SMURF2: variants seen among roughly 807,000 people sequenced by gnomAD.
SMURF2 encodes E3 ubiquitin-protein ligase SMURF2.
A neutral mutation model predicts 109.6 loss-of-function variants in SMURF2; 48 were observed. The observed-to-expected ratio is 0.44, with a 90% CI of 0.35 to 0.56. SMURF2 has a LOEUF of 0.56. SMURF2 is among the 20% of genes least tolerant of loss of function. SMURF2 has a pLI of 0.01. For synonymous variants in SMURF2, 288 were observed against 317.1 expected (o/e 0.91, Z 0.97); for missense variants, 575 against 909.0 (o/e 0.63, Z 4.72).
intron 2 of SMURF2, among the ~76,000 whole-genome samples, chr17:64,605,748 T>G (rs1555688983): frequency 8.7e-6 from 1 of 115,588 alleles, no homozygotes; most frequent in Non-Finnish European, 1.7e-5. Flanking sequence ...AAAAAGAATA[T>G]ATATATATAT....
chr17:64,613,281 T>C (rs2144684716), intron 1 of SMURF2, among the ~76,000 whole-genome samples: 1 of 152,284 alleles, frequency 6.6e-6, no homozygotes, highest in South Asian at 2.1e-4. Context: ...CTCCTGATTA[T>C]GTCACCACAG....
rs182114888 is a variant in SMURF2 at position 64,630,122 on chromosome 17, G to C, written c.53-23482C>G. Among the ~76,000 whole-genome samples, 458 of 152,172 alleles carry C rather than the reference G, an allele frequency of 3.0e-3. 1 individual carries two copies. Among genetic ancestry groups the C allele is most frequent in the African/African-American group, 0.011 (439 of 41,512 alleles). On this transcript the variant is annotated intron_variant, in intron 1 of 18. Transcript: ENST00000262435. ...ATGGTGGTGCACGCCTGTAGTCCCA[G>C]CTACTCAGGAGGCTGAGGCAGGAGA...
chr17:64,652,689 T>C (rs782341935), intron 1 of SMURF2, among the ~76,000 whole-genome samples: 3 of 152,226 alleles, frequency 2.0e-5, no homozygotes, highest in Admixed American at 6.5e-5. Flanking sequence ...TTTTGCCATG[T>C]TGGCCAGGCT....
intron 3 of SMURF2, 54 bp from the exon 4 acceptor site, chr17:64,593,627 A>T (rs1254856235): frequency 7.0e-7 from 1 of 1,429,682 alleles, no homozygotes; most frequent in African/African-American, 1.4e-5. Context: ...CAGTTGGCGT[A>T]AAATTTTTCT....
At chr17:64,600,716 T>C (rs1969882856) in intron 2 of SMURF2, among the ~76,000 whole-genome samples, 2 of 152,178 alleles carry the variant, frequency 1.3e-5, no homozygotes. Flanking sequence ...TTTATAAATG[T>C]GTTCAATGGA....
chr17:64,621,936 T>C (rs1201980111), intron 1 of SMURF2, among the ~76,000 whole-genome samples: 1 of 141,774 alleles, frequency 7.1e-6, no homozygotes, highest in Non-Finnish European at 1.5e-5. Flanking sequence ...AAAAGCACTG[T>C]AGTGAGCCAT....
At chr17:64,629,425 G>C (rs1237529487) in intron 1 of SMURF2, among the ~76,000 whole-genome samples, 4 of 152,068 alleles carry the variant, frequency 2.6e-5, no homozygotes, top group Non-Finnish European at 5.9e-5. Context: ...GATAGCCTGA[G>C]CCCAGAAGTT....
At position 64,661,999 on chromosome 17, in the gene SMURF2, G is replaced by T; in HGVS notation, c.-119C>A. On this transcript the variant is annotated 5_prime_UTR_variant, in exon 1 of 19. Transcript: ENST00000262435. The stretch of plus-strand genomic sequence containing the variant: ...AGCAGCCGGCGCCTCGGCCGCCACG[G>T]CCGGAGGGTCCCGGATGTGCCGAGA... 5 of 1,110,426 alleles carry T rather than the reference G, an allele frequency of 4.5e-6. No homozygotes were observed. Among genetic ancestry groups the T allele is most frequent in the Non-Finnish European group, 5.5e-6 (5 of 910,890 alleles). 68.8% of individuals were successfully genotyped at this position (1,110,426 alleles called of 1,614,324 possible).
intron 1 of SMURF2, among the ~76,000 whole-genome samples, chr17:64,659,368 T>C (rs1480295124): frequency 6.6e-6 from 1 of 152,196 alleles, no homozygotes; most frequent in Non-Finnish European, 1.5e-5. Context: ...CCCAAGTGTA[T>C]TGTAAACCAA....
intron 1 of SMURF2, among the ~76,000 whole-genome samples, chr17:64,626,779 A>G (rs1199471220): frequency 6.6e-6 from 1 of 151,712 alleles, no homozygotes; most frequent in African/African-American, 2.4e-5. Context: ...AAAACAAAAC[A>G]AAACAAAACT....
chr17:64,578,221 G>A (rs1555686227), intron 9 of SMURF2, among the ~76,000 whole-genome samples: 1 of 152,074 alleles, frequency 6.6e-6, no homozygotes. Flanking sequence ...TGGGATTACA[G>A]GCATGAGCTA....
At chr17:64,611,329 G>A (rs911931292) in intron 1 of SMURF2, among the ~76,000 whole-genome samples, 1 of 151,856 alleles carries the variant, frequency 6.6e-6, no homozygotes, top group Admixed American at 6.6e-5. Flanking sequence ...ATTCTCTCTG[G>A]TCTTTACCAT....
At chr17:64,579,147 G>T (rs782753298) in intron 8 of SMURF2, among the ~76,000 whole-genome samples, 26 of 152,244 alleles carry the variant, frequency 1.7e-4, no homozygotes, top group Middle Eastern at 3.4e-3. Flanking sequence ...TTAGAAAGAA[G>T]AGGACTAAAG....
chr17:64,638,459 C>T lies in SMURF2; in HGVS notation c.52+23370G>A, dbSNP rs543785908. ...CAAGTGATCTGCCTGCCTCAGCCTC[C>T]CAAAGTGCTGGGATTACAGGCGTAA... On this transcript the variant is annotated intron_variant, in intron 1 of 18. Coordinates refer to ENST00000262435, the MANE Select transcript of SMURF2 (RefSeq NM_022739.4). Among the ~76,000 whole-genome samples, 8 of 152,292 alleles carry T rather than the reference C, an allele frequency of 5.3e-5. No individual in the cohort carries two copies. In the East Asian group the frequency reaches 1.5e-3, roughly 29 times the overall value.
At chr17:64,648,702 G>T (rs1970593896) in intron 1 of SMURF2, among the ~76,000 whole-genome samples, 1 of 152,090 alleles carries the variant, frequency 6.6e-6, no homozygotes, top group Non-Finnish European at 1.5e-5. Context: ...AGCCCAGGTG[G>T]TCAAGGCTAT....
At chr17:64,652,207 T>C (rs1300216433) in intron 1 of SMURF2, among the ~76,000 whole-genome samples, 1 of 152,188 alleles carries the variant, frequency 6.6e-6, no homozygotes, top group Non-Finnish European at 1.5e-5. Context: ...TCTAGGCTTT[T>C]CCTAATTTCT....
At chr17:64,631,279 GGGGAGAGAGAGAGAGAGA>G (rs1970339212) in intron 1 of SMURF2, among the ~76,000 whole-genome samples, 1 of 7,442 alleles carries the variant, frequency 1.3e-4, no homozygotes, top group African/African-American at 5.2e-4. Context: ...AGAGGGGGGG[GGGGAGAGAGAGAGAGAGA>G]GAGAGAGAGA....
At chr17:64,646,625 C>T (rs1970563461) in intron 1 of SMURF2, among the ~76,000 whole-genome samples, 1 of 150,700 alleles carries the variant, frequency 6.6e-6, no homozygotes, top group African/African-American at 2.4e-5. Flanking sequence ...TCAAGCGATC[C>T]ATCCCTTCAG....
At position 64,661,964 on chromosome 17, in the gene SMURF2, C is replaced by G. The variant is rs1353604076; in HGVS notation, c.-84G>C. The G allele has an allele frequency of 5.3e-6, 6 of 1,127,480 alleles. No homozygotes were observed. The Admixed American group carries it at 3.0e-4, about 56-fold the overall frequency. 69.8% of individuals were successfully genotyped at this position (1,127,480 alleles called of 1,614,324 possible). ...GGCGGAGTCACCACAGCGGCCGGGG[C>G]TGGGGCCCGAGCAGCCGGCGCCTCG... On this transcript the variant is annotated 5_prime_UTR_variant, in exon 1 of 19. Coordinates refer to ENST00000262435, the MANE Select transcript of SMURF2 (RefSeq NM_022739.4).
Sources: gnomAD v4.1 joint callset for allele counts (sites outside exome capture counted in the v4.1 genomes callset) on GRCh38, gnomAD v4.1.1 for gene constraint, MANE v1.5 for transcripts, NCBI Gene and HGNC (gene_info 2026-07-23, HGNC 2026-07-21) for gene names.